ROR1: variants seen among roughly 807,000 people sequenced by gnomAD.
ROR1 encodes inactive tyrosine-protein kinase transmembrane receptor ROR1.
Under a neutral mutation model 78.8 loss-of-function variants are expected in ROR1, and 19 were observed. That is an observed-to-expected ratio of 0.24 (90% CI 0.17 to 0.35). The LOEUF is 0.35. Ranked by LOEUF, ROR1 falls within the 10% of genes least tolerant of loss-of-function variation. The probability of loss-of-function intolerance (pLI) is 1.00; values close to 1 mark genes in which losing one functional copy is unlikely to be tolerated. For missense variants in ROR1, 917 were observed against 1,177.8 expected, an observed-to-expected ratio of 0.78 and a Z score of 3.24; for synonymous variants, 386 against 433.6, an observed-to-expected ratio of 0.89 and a Z score of 1.36.
At chr1:63,963,073 T>A (rs896060912) in intron 1 of ROR1, among the ~76,000 whole-genome samples, 3 of 152,068 alleles carry the variant, frequency 2.0e-5, no homozygotes, top group Non-Finnish European at 4.4e-5. Context: ...AGACAGTGAG[T>A]TTCTCAGTTA....
chr1:63,955,291 C>G (rs1031717546), intron 1 of ROR1, among the ~76,000 whole-genome samples: 1 of 152,118 alleles, frequency 6.6e-6, no homozygotes. Context: ...ACTACAAGGA[C>G]CTAATCCTTT....
At chr1:64,112,647 C>T (rs1451789405) in intron 4 of ROR1, among the ~76,000 whole-genome samples, 2 of 152,132 alleles carry the variant, frequency 1.3e-5, no homozygotes, top group Non-Finnish European at 2.9e-5. Flanking sequence ...CTCTTTGAGA[C>T]TCTTTTTAGT....
chr1:64,009,383 A>G lies in ROR1; in HGVS notation c.163+7A>G, dbSNP rs762079130. 3 of 1,608,956 alleles carry G rather than the reference A, an allele frequency of 1.9e-6. No individual in the cohort carries two copies. In the South Asian group the frequency reaches 3.3e-5, roughly 18 times the overall value. ...TCAAGTGAACTCAACAAAGGTACAC[A>G]GTGGGGGCACACAGGGGAGGCGAGG... On this transcript the variant is annotated splice_region_variant and intron_variant, in intron 2 of 8. Transcript: ENST00000371079.
In ROR1 at chr1:64,051,467, TA is replaced by T. The variant is rs1241586067; in HGVS notation, c.482+755del. On this transcript the variant is annotated intron_variant, in intron 4 of 8. Transcript: ENST00000371079. ...TCCGTCTCAAAAATAAAAAATAAAATAAAATAAAATAAAATAAAATAAAATA... is the reference window on the plus strand; with the variant it reads ...TCCGTCTCAAAAATAAAAAATAAAATAAATAAAATAAAATAAAATAAAATA... 2.8e-3 allele frequency among the ~76,000 whole-genome samples: 70 copies of T among 24,716 alleles called. 2 individuals are homozygous for T. Among genetic ancestry groups the T allele is most frequent in the Middle Eastern group, 0.029 (1 of 34 alleles). 16.2% of individuals were successfully genotyped at this position (24,716 alleles called of 152,430 possible).
intron 1 of ROR1, among the ~76,000 whole-genome samples, chr1:63,851,946 G>A (rs553829638): frequency 8.9e-4 from 136 of 152,340 alleles, no homozygotes; most frequent in Non-Finnish European, 1.5e-3. Flanking sequence ...TGGCACAGCA[G>A]GTGGTAGAAT....
intron 2 of ROR1, among the ~76,000 whole-genome samples, chr1:64,033,669 T>C (rs1646678347): frequency 6.6e-6 from 1 of 152,196 alleles, no homozygotes; most frequent in African/African-American, 2.4e-5. Context: ...GACAAACCCT[T>C]ATATAGAACT....
chr1:63,896,434 G>T (rs1216582423), intron 1 of ROR1, among the ~76,000 whole-genome samples: 3 of 152,026 alleles, frequency 2.0e-5, no homozygotes, highest in South Asian at 2.1e-4. Context: ...GTATGTGCTG[G>T]GTCCCTCCTT....
intron 2 of ROR1, among the ~76,000 whole-genome samples, chr1:64,035,191 G>C (rs1387549650): frequency 2.6e-5 from 4 of 152,150 alleles, no homozygotes; most frequent in Non-Finnish European, 5.9e-5. Flanking sequence ...TCATCCTAAA[G>C]GTGCTAGAAA....
At chr1:63,843,425 G>T in intron 1 of ROR1, 2 of 741,714 alleles carry the variant, frequency 2.7e-6, no homozygotes, top group South Asian at 2.8e-5. Flanking sequence ...TGGTCTCGTA[G>T]GTTGTGTCAC....
At chr1:63,781,351 A>G (rs1184342659) in intron 1 of ROR1, among the ~76,000 whole-genome samples, 2 of 152,150 alleles carry the variant, frequency 1.3e-5, no homozygotes, top group Non-Finnish European at 2.9e-5. Context: ...TTCTGATCCT[A>G]TTTTACAGAT....
At chr1:63,911,070 G>A (rs1645566042) in intron 1 of ROR1, among the ~76,000 whole-genome samples, 1 of 152,180 alleles carries the variant, frequency 6.6e-6, no homozygotes, top group South Asian at 2.1e-4. Context: ...GATGGAACAG[G>A]AATCAAATCA....
intron 1 of ROR1, among the ~76,000 whole-genome samples, chr1:63,822,939 G>T (rs1278024725): frequency 6.6e-6 from 1 of 151,904 alleles, no homozygotes; most frequent in Non-Finnish European, 1.5e-5. Context: ...TACCATAAAG[G>T]TTACAGAAAT....
intron 4 of ROR1, among the ~76,000 whole-genome samples, chr1:64,128,946 C>T (rs1167518782): frequency 6.6e-6 from 1 of 152,092 alleles, no homozygotes; most frequent in African/African-American, 2.4e-5. Flanking sequence ...AGGAACAGGA[C>T]AAATCTGTGC....
intron 4 of ROR1, among the ~76,000 whole-genome samples, chr1:64,124,374 T>G (rs1328343477): frequency 6.6e-6 from 1 of 152,158 alleles, no homozygotes; most frequent in African/African-American, 2.4e-5. Flanking sequence ...GCCTTTCTTT[T>G]TCTCCCTTCT....
chr1:64,148,915 C>T (rs1252826379), intron 7 of ROR1, among the ~76,000 whole-genome samples: 1 of 152,116 alleles, frequency 6.6e-6, no homozygotes, highest in Non-Finnish European at 1.5e-5. Context: ...CTCACAGAAA[C>T]CAATATATGT....
At chr1:63,923,218 C>G (rs981576916) in intron 1 of ROR1, among the ~76,000 whole-genome samples, 1 of 152,150 alleles carries the variant, frequency 6.6e-6, no homozygotes, top group Non-Finnish European at 1.5e-5. Context: ...TGCTGGGTTC[C>G]CCCCCAAAAC....
chr1:63,849,843 A>C (rs566186024), intron 1 of ROR1, among the ~76,000 whole-genome samples: 2 of 152,332 alleles, frequency 1.3e-5, no homozygotes, highest in South Asian at 4.1e-4. Context: ...AAATGTTTTA[A>C]GTGTACAGAA....
At chr1:63,906,406 A>G (rs1215875476) in intron 1 of ROR1, among the ~76,000 whole-genome samples, 1 of 152,188 alleles carries the variant, frequency 6.6e-6, no homozygotes, top group African/African-American at 2.4e-5. Flanking sequence ...TGTAAAAGAC[A>G]TTTTATGTAT....
chr1:64,130,223 A>G (rs543051424), intron 4 of ROR1, among the ~76,000 whole-genome samples: 1 of 152,022 alleles, frequency 6.6e-6, no homozygotes, highest in East Asian at 1.9e-4. Flanking sequence ...TGAATTCTCA[A>G]CCCTATAGAT....
Sources: gnomAD v4.1 joint callset for allele counts (sites outside exome capture counted in the v4.1 genomes callset) on GRCh38, gnomAD v4.1.1 for gene constraint, MANE v1.5 for transcripts, NCBI Gene and HGNC (gene_info 2026-07-23, HGNC 2026-07-21) for gene names.